The following GALNTL6 variants were observed in gnomAD, a reference collection of about 807,000 sequenced individuals.
GALNTL6 encodes polypeptide N-acetylgalactosaminyltransferase-like 6.
GALNTL6 carries 46 observed loss-of-function variants against 73.7 expected under a neutral mutation model. The ratio of observed to expected loss-of-function variants is 0.62; its 90% confidence interval spans 0.49 to 0.80. GALNTL6 has a LOEUF of 0.80. GALNTL6 is among the 30% of genes least tolerant of loss of function. The pLI, the probability that GALNTL6 is intolerant of heterozygous loss-of-function variation, is 0.00. For missense variants in GALNTL6, 604 were observed against 755.0 expected (o/e 0.80, Z 2.34); for synonymous variants, 259 against 263.7 (o/e 0.98, Z 0.17).
At chr4:172,292,094 T>C (rs2111102026) in intron 3 of GALNTL6, among the ~76,000 whole-genome samples, 1 of 152,230 alleles carries the variant, frequency 6.6e-6, no homozygotes, top group Non-Finnish European at 1.5e-5. Context: ...GTTCTCTAAC[T>C]TTCATAAACA....
intron 3 of GALNTL6, among the ~76,000 whole-genome samples, chr4:172,263,417 C>T (rs772964661): frequency 6.6e-6 from 1 of 151,358 alleles, no homozygotes; most frequent in Non-Finnish European, 1.5e-5. Context: ...ATTTTTTAAA[C>T]TTTCCAGTGC....
chr4:172,648,017 C>T (rs940271454), intron 5 of GALNTL6, among the ~76,000 whole-genome samples: 1 of 152,132 alleles, frequency 6.6e-6, no homozygotes, highest in Admixed American at 6.6e-5. Context: ...GCTTGTAAAA[C>T]AGTCTCTCTG....
intron 2 of GALNTL6, among the ~76,000 whole-genome samples, chr4:171,834,623 A>G (rs1735054408): frequency 6.6e-6 from 1 of 152,044 alleles, no homozygotes; most frequent in South Asian, 2.1e-4. Flanking sequence ...TTTAACACAC[A>G]TTTACAATAT....
At chr4:172,450,704 C>A (rs958695055) in intron 5 of GALNTL6, among the ~76,000 whole-genome samples, 1 of 152,186 alleles carries the variant, frequency 6.6e-6, no homozygotes, top group African/African-American at 2.4e-5. Context: ...ATACTGGCTT[C>A]CTTTTTGTCT....
At chr4:172,080,179 T>G (rs1329050134) in intron 2 of GALNTL6, among the ~76,000 whole-genome samples, 1 of 152,168 alleles carries the variant, frequency 6.6e-6, no homozygotes, top group Non-Finnish European at 1.5e-5. Context: ...TATTTATTTC[T>G]TATTTAAAAT....
intron 2 of GALNTL6, among the ~76,000 whole-genome samples, chr4:172,096,323 G>T (rs1732357950): frequency 6.6e-6 from 1 of 152,108 alleles, no homozygotes; most frequent in Non-Finnish European, 1.5e-5. Context: ...TCAAGATCCT[G>T]GCCTCAAGTG....
At chr4:172,969,292 A>G (rs1297329582) in intron 10 of GALNTL6, among the ~76,000 whole-genome samples, 1 of 152,178 alleles carries the variant, frequency 6.6e-6, no homozygotes, top group Non-Finnish European at 1.5e-5. Flanking sequence ...AATGAAACTA[A>G]TAAACCAGAC....
rs1448260880 is a variant in GALNTL6, at chr4:171,813,575, G to A, written c.-585G>A. The stretch of plus-strand genomic sequence containing the variant: ...CGCCTCCATCCCCTTTACGAGAAGA[G>A]GAGATCAAAAAATATTGCCCTTTAG... On this transcript the variant is annotated 5_prime_UTR_variant, in exon 1 of 13. Coordinates refer to ENST00000506823, the MANE Select transcript of GALNTL6 (RefSeq NM_001034845.3). This position sits in a 1 kb window ranked among gnomAD's most constrained non-coding sequence, Gnocchi z 5.2. The A allele has an allele frequency of 6.6e-6, 1 of 152,346 alleles. No homozygotes were observed. Among genetic ancestry groups the A allele is most frequent in the Non-Finnish European group, 1.5e-5 (1 of 68,126 alleles). The allele number at this position is 152,346 out of a possible 1,614,324, so 9.4% of individuals were successfully genotyped here. A position where few individuals can be genotyped will look rare whatever the true frequency, so the allele number is the denominator to read the frequency against.
At chr4:172,853,195 C>G (rs1439197754) in intron 7 of GALNTL6, among the ~76,000 whole-genome samples, 1 of 152,194 alleles carries the variant, frequency 6.6e-6, no homozygotes, top group African/African-American at 2.4e-5. Context: ...TATCCATTTG[C>G]AAGCTTACTC....
chr4:172,139,509 C>A (rs1314760342), intron 2 of GALNTL6, among the ~76,000 whole-genome samples: 1 of 152,150 alleles, frequency 6.6e-6, no homozygotes, highest in Non-Finnish European at 1.5e-5. Flanking sequence ...GAGCCCTAAA[C>A]TGGGGTATTA....
At chr4:172,625,531 A>G (rs1739133233) in intron 5 of GALNTL6, among the ~76,000 whole-genome samples, 1 of 152,020 alleles carries the variant, frequency 6.6e-6, no homozygotes, top group African/African-American at 2.4e-5. Flanking sequence ...TTTCTTTTGG[A>G]TATATACCCA....
intron 5 of GALNTL6, among the ~76,000 whole-genome samples, chr4:172,728,669 A>C (rs1204915018): frequency 1.3e-5 from 2 of 152,226 alleles, no homozygotes; most frequent in Non-Finnish European, 2.9e-5. Flanking sequence ...TTTTATGAAT[A>C]GTGCTGCAAT....
intron 2 of GALNTL6, among the ~76,000 whole-genome samples, chr4:171,935,627 G>A (rs896820004): frequency 2.6e-5 from 4 of 152,030 alleles, no homozygotes; most frequent in Non-Finnish European, 4.4e-5. Context: ...ATGCCACCAC[G>A]CCTAGCTAAT....
chr4:172,624,762 G>GT (rs549552632), intron 5 of GALNTL6, among the ~76,000 whole-genome samples: 23 of 149,276 alleles, frequency 1.5e-4, no homozygotes, highest in Middle Eastern at 3.4e-3. Context: ...TTCCTTGGTA[G>GT]TTTTTTTTTT....
intron 5 of GALNTL6, among the ~76,000 whole-genome samples, chr4:172,440,910 G>A (rs1052359569): frequency 6.6e-6 from 1 of 151,790 alleles, no homozygotes; most frequent in African/African-American, 2.4e-5. Flanking sequence ...TTTACTGTTA[G>A]CTTATTATAA....
chr4:172,300,338 T>C (rs1398756633), intron 3 of GALNTL6, among the ~76,000 whole-genome samples: 1 of 152,158 alleles, frequency 6.6e-6, no homozygotes, highest in African/African-American at 2.4e-5. Flanking sequence ...TACCAGTCTG[T>C]GTCTTTTAAT....
intron 5 of GALNTL6, among the ~76,000 whole-genome samples, chr4:172,505,755 G>A (rs113080145): frequency 0.013 from 676 of 53,590 alleles, 270 homozygotes; most frequent in African/African-American, 0.029. Context: ...AAAAAGCTGT[G>A]GGTCTGGACT....
chr4:172,798,732 G>A (rs1740428433), intron 5 of GALNTL6, among the ~76,000 whole-genome samples: 1 of 152,132 alleles, frequency 6.6e-6, no homozygotes, highest in South Asian at 2.1e-4. Flanking sequence ...CAGTAAAACA[G>A]TTTAAAAACT....
intron 5 of GALNTL6, among the ~76,000 whole-genome samples, chr4:172,747,236 A>T (rs1156816304): frequency 1.3e-5 from 2 of 152,094 alleles, no homozygotes; most frequent in Non-Finnish European, 2.9e-5. Context: ...CAACCCATAG[A>T]TGGGGAGAAA....
Sources: allele counts gnomAD v4.1 joint callset (sites outside exome capture counted in the v4.1 genomes callset), GRCh38; gene constraint gnomAD v4.1.1; non-coding constraint Gnocchi (gnomAD v3.1); transcripts MANE v1.5; gene names NCBI Gene and HGNC (gene_info 2026-07-23, HGNC 2026-07-21).